Variants in MALT1 observed in about 807,000 individuals in gnomAD.
The protein encoded by MALT1 is mucosa-associated lymphoid tissue lymphoma translocation protein 1.
In MALT1, 36 loss-of-function variants were observed where a neutral mutation model predicts 85.5. That is an observed-to-expected ratio of 0.42 (90% CI 0.32 to 0.56). The LOEUF (loss-of-function observed/expected upper bound fraction) is 0.56. Ranked by LOEUF, MALT1 falls within the 20% of genes least tolerant of loss-of-function variation. The pLI is 0.10. For missense variants in MALT1, 716 were observed against 981.6 expected (o/e 0.73, Z 3.62); for synonymous variants, 359 against 361.3 (o/e 0.99, Z 0.07).
intron 11 of MALT1, 121 bp from the exon 12 acceptor site, chr18:58,734,186 T>A: frequency 9.4e-7 from 1 of 1,062,050 alleles, no homozygotes; most frequent in Non-Finnish European, 1.3e-6. Flanking sequence ...AAATTTTGAA[T>A]CTATAATTTT....
chr18:58,721,631 G>A (rs2054984738), intron 9 of MALT1, among the ~76,000 whole-genome samples: 1 of 152,134 alleles, frequency 6.6e-6, no homozygotes, highest in Non-Finnish European at 1.5e-5. Context: ...GAGAGTCACA[G>A]TCTTTTAAAT....
intron 2 of MALT1, 92 bp from the exon 3 acceptor site, chr18:58,696,274 T>C (rs1318110109): frequency 8.7e-6 from 9 of 1,036,438 alleles, no homozygotes; most frequent in Non-Finnish European, 1.2e-5. Flanking sequence ...GCAAGTTATT[T>C]CTAAAATGTT....
At position 58,735,120 on chromosome 18, in the gene MALT1, T is replaced by A. The variant is rs114249623; in HGVS notation, c.1476-82T>A. ...CTGCTGGGTGCTTCTCTGAGTTCAT[T>A]TTTATTAGCATCCACATATAAGTGA... On this transcript the variant is annotated intron_variant, in intron 12 of 16. Coordinates refer to ENST00000649217, the MANE Select transcript of MALT1 (RefSeq NM_006785.4). The A allele has an allele frequency of 1.6e-3, 2,120 of 1,287,434 alleles. 28 individuals are homozygous for A. The African/African-American group carries it at 0.029, about 17-fold the overall frequency. 79.8% of individuals were successfully genotyped at this position (1,287,434 alleles called of 1,614,324 possible).
chr18:58,717,977 A>G (rs1413107539), intron 9 of MALT1, among the ~76,000 whole-genome samples: 1 of 152,218 alleles, frequency 6.6e-6, no homozygotes, highest in Admixed American at 6.5e-5. Flanking sequence ...TAACTGGGTT[A>G]GTTGCTGAAG....
intron 2 of MALT1, among the ~76,000 whole-genome samples, chr18:58,682,275 G>A (rs1484432011): frequency 6.6e-6 from 1 of 152,140 alleles, no homozygotes; most frequent in Non-Finnish European, 1.5e-5. Context: ...AGGGAATTAG[G>A]AACACATGGT....
Position 58,748,460 on chromosome 18 carries a change from G to A in MALT1, c.*618G>A, listed in dbSNP as rs1006341640. ...ACAAACTTTAGTTTTTGATTATAAG[G>A]ACTTCACTGCAAGTTTTAGTTAAGA... On this transcript the variant is annotated 3_prime_UTR_variant, in exon 17 of 17. Transcript: ENST00000649217. 5.5e-6 allele frequency: 1 copy of A among 182,058 alleles called. No individual in the cohort carries two copies. Among genetic ancestry groups the A allele is most frequent in the African/African-American group, 2.4e-5 (1 of 42,490 alleles). 11.3% of individuals were successfully genotyped at this position (182,058 alleles called of 1,614,324 possible).
At chr18:58,746,728 G>A (rs1464500262) in intron 16 of MALT1, among the ~76,000 whole-genome samples, 2 of 144,458 alleles carry the variant, frequency 1.4e-5, no homozygotes, top group Non-Finnish European at 3.1e-5. Flanking sequence ...TATAAAACCA[G>A]GTTTTTTTTT....
At position 58,735,249 on chromosome 18, in the gene MALT1, A is replaced by G. The variant is rs527715988; in HGVS notation, c.1523A>G (p.Asn508Ser). ...GAAATCCAGCATTCTGGATTGGCAA[A>G]TGGAATCTTTATGAAATTTTTAAAA... ...AFEIQHSGLANGIFMKFLKDR... is the reference protein window; with the variant it reads ...AFEIQHSGLASGIFMKFLKDR... The change falls in exon 13 of 17, where the codon AAT (asparagine) becomes AGT (serine). Residue 508 changes from asparagine (N) to serine (S), a missense_variant. By Grantham distance (46) the Asn-to-Ser change is conservative. This residue lies in a region of MALT1 where 86 missense variants were observed against 212.3 expected (regional missense o/e 0.41). Transcript: ENST00000649217. The G allele has an allele frequency of 6.2e-7, 1 of 1,611,416 alleles. No homozygotes were observed. The highest frequency in any genetic ancestry group is 2.2e-5 in the East Asian group (1 of 44,862).
chr18:58,693,171 A>T (rs2054537385), intron 2 of MALT1, among the ~76,000 whole-genome samples: 1 of 152,178 alleles, frequency 6.6e-6, no homozygotes, highest in African/African-American at 2.4e-5. Flanking sequence ...CTATAATCCC[A>T]CCACTCTGGG....
chr18:58,742,712 C>T (rs796949252), intron 14 of MALT1, among the ~76,000 whole-genome samples: 6 of 151,578 alleles, frequency 4.0e-5, no homozygotes, highest in East Asian at 1.9e-4. Context: ...GACTCTGTCT[C>T]GAAAAGAAAA....
At chr18:58,737,629 C>G (rs2055242161) in intron 13 of MALT1, among the ~76,000 whole-genome samples, 1 of 152,108 alleles carries the variant, frequency 6.6e-6, no homozygotes, top group Non-Finnish European at 1.5e-5. Context: ...GTCGCGCAGG[C>G]TAGAGTGCAG....
At chr18:58,675,570 A>G (rs1047167877) in intron 1 of MALT1, 3 of 152,228 alleles carry the variant, frequency 2.0e-5, no homozygotes, top group Admixed American at 1.3e-4. Context: ...CTCAACAATT[A>G]TTATTGAAAT....
chr18:58,732,633 A>T (rs980806462), intron 10 of MALT1, among the ~76,000 whole-genome samples: 1 of 152,132 alleles, frequency 6.6e-6, no homozygotes, highest in Non-Finnish European at 1.5e-5. Flanking sequence ...TTCATCCGTT[A>T]AATACTTACT....
At chr18:58,719,124 G>A (rs751465008) in intron 9 of MALT1, among the ~76,000 whole-genome samples, 7 of 152,148 alleles carry the variant, frequency 4.6e-5, no homozygotes, top group Non-Finnish European at 8.8e-5. Context: ...AACAGCATCA[G>A]TTTTATTATC....
In MALT1 at chr18:58,747,745, A is replaced by G. The variant is rs756463496; in HGVS notation, c.2378A>G (p.His793Arg). The G allele has an allele frequency of 1.2e-6, 2 of 1,613,992 alleles. No individual in the cohort carries two copies. Among genetic ancestry groups the G allele is most frequent in the African/African-American group, 2.7e-5 (2 of 74,924 alleles). The change falls in exon 17 of 17, where the codon CAT becomes CGT. Residue 793 changes from histidine to arginine, a missense_variant. Transcript: ENST00000649217. ...GCATTTATTTCAAGTTTCGCTCACC[A>G]TGCTTCATGTCATTTTAGTAGAAGT... ...PDAFISSFAH[H>R]ASCHFSRSNV...
intron 1 of MALT1, among the ~76,000 whole-genome samples, chr18:58,673,621 A>T (rs2054199677): frequency 6.6e-6 from 1 of 152,090 alleles, no homozygotes. Flanking sequence ...CAGCCCGCTA[A>T]TTTTTTTGTA....
intron 3 of MALT1, among the ~76,000 whole-genome samples, chr18:58,699,242 G>C (rs1188478539): frequency 6.6e-6 from 1 of 151,716 alleles, no homozygotes; most frequent in Non-Finnish European, 1.5e-5. Context: ...GGCAGAAAAA[G>C]GAGGTAATTT....
chr18:58,671,553 C>CGGCTCGGAGGCGAGCGGAAGGT lies in MALT1; in HGVS notation c.-89_-68dup. The CGGCTCGGAGGCGAGCGGAAGGT allele has an allele frequency of 2.4e-6, 2 of 846,376 alleles. No homozygotes were observed. Among genetic ancestry groups the CGGCTCGGAGGCGAGCGGAAGGT allele is most frequent in the South Asian group, 1.2e-4 (2 of 16,218 alleles). 52.4% of individuals were successfully genotyped at this position (846,376 alleles called of 1,614,324 possible). On this transcript the variant is annotated 5_prime_UTR_variant, in exon 1 of 17. Transcript: ENST00000649217. Reference sequence around the variant, plus strand: ...ATTTGTTCTTCCGCCCCTGCCTCCGCGGCTCGGAGGCGAGCGGAAGGTGCC... The same window carrying CGGCTCGGAGGCGAGCGGAAGGT: ...ATTTGTTCTTCCGCCCCTGCCTCCGCGGCTCGGAGGCGAGCGGAAGGTGGCTCGGAGGCGAGCGGAAGGTGCC...
intron 4 of MALT1, among the ~76,000 whole-genome samples, chr18:58,707,965 C>T (rs981665396): frequency 6.6e-6 from 1 of 152,208 alleles, no homozygotes; most frequent in East Asian, 1.9e-4. Flanking sequence ...CTCCACTTTA[C>T]ATCCAGAGTC....
Sources: gnomAD v4.1 joint callset for allele counts (sites outside exome capture counted in the v4.1 genomes callset) on GRCh38, gnomAD v4.1.1 for gene constraint, gnomAD v4.1.1 regional missense constraint, MANE v1.5 for transcripts, NCBI Gene and HGNC (gene_info 2026-07-23, HGNC 2026-07-21) for gene names.